CA5A: variants seen among roughly 807,000 people sequenced by gnomAD.
CA5A encodes the protein carbonic anhydrase 5A.
In CA5A, 28 loss-of-function variants were observed where a neutral mutation model predicts 37.1. That is an observed-to-expected ratio of 0.75 (90% CI 0.56 to 1.03). The LOEUF (loss-of-function observed/expected upper bound fraction) is 1.03, where lower values mean the gene tolerates loss of function less well. CA5A is among the 50% of genes least tolerant of loss of function. The pLI is 0.00. For synonymous variants in CA5A, 171 were observed against 158.4 expected (o/e 1.08, Z -0.60); for missense variants, 444 against 399.9 (o/e 1.11, Z -0.94).
At chr16:87,887,939 C>T, downstream of CA5A, 2 of 787,010 alleles carry the variant, frequency 2.5e-6, no homozygotes, top group Non-Finnish European at 3.7e-6. Flanking sequence ...CCCCTCCATC[C>T]CAGCGTTATG....
At chr16:87,931,478 C>G (rs976450236) in intron 1 of CA5A, among the ~76,000 whole-genome samples, 8 of 152,214 alleles carry the variant, frequency 5.3e-5, no homozygotes, top group African/African-American at 1.9e-4. Flanking sequence ...GGCCAAAACC[C>G]TGGCGGCTCT....
chr16:87,888,571 C>T (rs1200268466), intron 6 of CA5A, among the ~76,000 whole-genome samples: 1 of 152,128 alleles, frequency 6.6e-6, no homozygotes, highest in African/African-American at 2.4e-5. Flanking sequence ...CAGCGAACTG[C>T]CAGCACCAAC....
intron 2 of CA5A, among the ~76,000 whole-genome samples, chr16:87,913,948 A>C (rs367633983): frequency 6.6e-6 from 1 of 152,212 alleles, no homozygotes; most frequent in African/African-American, 2.4e-5. Flanking sequence ...GATGTTCACC[A>C]CAAGAGGCGT....
intron 2 of CA5A, among the ~76,000 whole-genome samples, chr16:87,908,542 C>G (rs958059281): frequency 1.3e-5 from 2 of 152,178 alleles, no homozygotes; most frequent in Non-Finnish European, 2.9e-5. Flanking sequence ...AGGCATAAGT[C>G]CACTGACAGC....
intron 2 of CA5A, among the ~76,000 whole-genome samples, chr16:87,905,964 C>G (rs537359018): frequency 6.6e-6 from 1 of 152,216 alleles, no homozygotes; most frequent in African/African-American, 2.4e-5. Flanking sequence ...GCTGCCATTC[C>G]CACGTCCAGG....
chr16:87,917,698 C>T (rs1366836303), intron 2 of CA5A, among the ~76,000 whole-genome samples: 1 of 129,424 alleles, frequency 7.7e-6, no homozygotes, highest in Non-Finnish European at 1.7e-5. Flanking sequence ...TGCACACCCG[C>T]ACACGAACAC....
rs141166711 is a variant in CA5A at position 87,926,728 on chromosome 16, G to C, written c.340+20C>G. On this transcript the variant is annotated intron_variant, in intron 2 of 6. Transcript: ENST00000649794. ...AACAACGGGAGAGGACAAAGCCCTCGAGCCCCAGCTGGCACTCACCTGATG... is the reference window on the plus strand; with the variant it reads ...AACAACGGGAGAGGACAAAGCCCTCCAGCCCCAGCTGGCACTCACCTGATG... 2,305 of 1,598,226 alleles carry C rather than the reference G, an allele frequency of 1.4e-3. 10 individuals carry two copies. Among genetic ancestry groups the C allele is most frequent in the Middle Eastern group, 0.011 (64 of 5,686 alleles).
intron 5 of CA5A, among the ~76,000 whole-genome samples, chr16:87,899,508 G>A (rs188377999): frequency 1.1e-4 from 16 of 150,666 alleles, no homozygotes; most frequent in East Asian, 8.0e-4. Context: ...TTATCATGTT[G>A]GCCAGGCTGG....
At chr16:87,912,279 G>C (rs574612515) in intron 2 of CA5A, among the ~76,000 whole-genome samples, 1 of 152,124 alleles carries the variant, frequency 6.6e-6, no homozygotes, top group Non-Finnish European at 1.5e-5. Flanking sequence ...TCCAGCCTGG[G>C]CGACAGAGGG....
intron 1 of CA5A, among the ~76,000 whole-genome samples, chr16:87,934,183 G>A (rs975420220): frequency 1.3e-4 from 20 of 152,216 alleles, no homozygotes; most frequent in African/African-American, 3.4e-4. Context: ...GCCCCACCTC[G>A]GACCCTTCTC....
rs1261463596 is a variant in CA5A, at chr16:87,892,038, T to C, written c.619-84A>G. The C allele has an allele frequency of 7.7e-6, 10 of 1,297,448 alleles. No homozygotes were observed. The African/African-American group carries it at 1.4e-4, about 18-fold the overall frequency. The allele number at this position is 1,297,448 out of a possible 1,614,324, so 80.4% of individuals were successfully genotyped here. Reference sequence around the variant, plus strand: ...CTTGTCTCAGCACGTGAGGCCTTCATGGTGCTTGGAAGGAAGTGCTTTCCC... The same window carrying C: ...CTTGTCTCAGCACGTGAGGCCTTCACGGTGCTTGGAAGGAAGTGCTTTCCC... On this transcript the variant is annotated intron_variant, in intron 5 of 6. Transcript: ENST00000649794.
At chr16:87,928,095 G>C (rs575782233) in intron 1 of CA5A, among the ~76,000 whole-genome samples, 2 of 152,282 alleles carry the variant, frequency 1.3e-5, no homozygotes, top group South Asian at 2.1e-4. Context: ...TGTCACCCCA[G>C]AGGCCTGGCG....
chr16:87,936,225 G>A (rs1287795594), intron 1 of CA5A, 84 bp downstream of exon 1: 15 of 914,642 alleles, frequency 1.6e-5, no homozygotes, highest in Admixed American at 4.2e-5. Flanking sequence ...GGCTCGGGAC[G>A]GTCTCTCCTC....
chr16:87,931,492 C>G (rs1479257547), intron 1 of CA5A, among the ~76,000 whole-genome samples: 4 of 152,180 alleles, frequency 2.6e-5, no homozygotes, highest in Non-Finnish European at 5.9e-5. Flanking sequence ...CGGCTCTCCC[C>G]ACTCACTCTC....
intron 5 of CA5A, among the ~76,000 whole-genome samples, chr16:87,900,023 C>A (rs936982213): frequency 6.7e-6 from 1 of 149,696 alleles, no homozygotes; most frequent in Non-Finnish European, 1.5e-5. Flanking sequence ...GCTCAGTCCG[C>A]GGTGGCACTT....
At chr16:87,918,903 G>C (rs2144034780) in intron 2 of CA5A, among the ~76,000 whole-genome samples, 1 of 152,312 alleles carries the variant, frequency 6.6e-6, no homozygotes, top group South Asian at 2.1e-4. Context: ...TGCAGAGACG[G>C]GGAGGGGACC....
chr16:87,923,520 A>G, intron 2 of CA5A: 2 of 984,076 alleles, frequency 2.0e-6, no homozygotes, highest in South Asian at 9.4e-5. Flanking sequence ...CTGTCCACAT[A>G]CCTTCCTCCT....
chr16:87,903,010 G>A (rs2055902799), intron 3 of CA5A, among the ~76,000 whole-genome samples: 1 of 151,874 alleles, frequency 6.6e-6, no homozygotes, highest in African/African-American at 2.4e-5. Flanking sequence ...CGAAGCCACA[G>A]GAAGGAACAG....
intron 1 of CA5A, among the ~76,000 whole-genome samples, chr16:87,934,452 C>T (rs2056445090): frequency 6.6e-6 from 1 of 152,222 alleles, no homozygotes; most frequent in Non-Finnish European, 1.5e-5. Flanking sequence ...CCTGTAATTC[C>T]AGCTACTCGG....
Sources: gnomAD v4.1 joint callset for allele counts (sites outside exome capture counted in the v4.1 genomes callset) on GRCh38, gnomAD v4.1.1 for gene constraint, MANE v1.5 for transcripts, NCBI Gene and HGNC (gene_info 2026-07-23, HGNC 2026-07-21) for gene names.